NFKB1: variants seen among roughly 807,000 people sequenced by gnomAD.
NFKB1 encodes nuclear factor kappa B subunit 1.
A neutral mutation model predicts 105.1 loss-of-function variants in NFKB1; 9 were observed. The observed-to-expected ratio is 0.09, with a 90% confidence interval of 0.05 to 0.15. The LOEUF is 0.15. Ranked by LOEUF, NFKB1 falls within the 10% of genes least tolerant of loss-of-function variation. The pLI, the probability that NFKB1 is intolerant of heterozygous loss-of-function variation, is 1.00. For synonymous variants in NFKB1, 440 were observed against 442.2 expected, an observed-to-expected ratio of 1.00 and a Z score of 0.06; for missense variants, 830 against 1,203.7, an observed-to-expected ratio of 0.69 and a Z score of 4.59.
chr4:102,538,795 TAGTC>T (rs1741805741), intron 5 of NFKB1, among the ~76,000 whole-genome samples: 1 of 152,218 alleles, frequency 6.6e-6, no homozygotes, highest in Non-Finnish European at 1.5e-5. Context: ...AGTTATTATT[TAGTC>T]AGTAATTCAA....
intron 5 of NFKB1, among the ~76,000 whole-genome samples, chr4:102,562,961 C>T (rs1723562274): frequency 1.3e-5 from 2 of 152,200 alleles, no homozygotes; most frequent in African/African-American, 4.8e-5. Flanking sequence ...TCACCTCTTA[C>T]ATTCATGTTA....
At chr4:102,604,998 A>G (rs895487639) in intron 16 of NFKB1, among the ~76,000 whole-genome samples, 2 of 151,848 alleles carry the variant, frequency 1.3e-5, no homozygotes, top group Admixed American at 6.6e-5. Context: ...TCTCCGACTC[A>G]TAAGATATTT....
intron 9 of NFKB1, among the ~76,000 whole-genome samples, chr4:102,581,687 C>T (rs776098766): frequency 3.9e-5 from 6 of 152,154 alleles, no homozygotes; most frequent in Admixed American, 1.3e-4. Context: ...TCTGCCTACA[C>T]TAGTGTCAGC....
chr4:102,596,399 A>T (rs4648066), intron 14 of NFKB1, 67 bp downstream of exon 14: 3 of 1,244,908 alleles, frequency 2.4e-6, no homozygotes, highest in East Asian at 4.9e-5. Context: ...GTGCAGAAAG[A>T]TATCTGCTAA....
chr4:102,523,407 C>T (rs566042325), intron 1 of NFKB1, among the ~76,000 whole-genome samples: 12 of 152,268 alleles, frequency 7.9e-5, no homozygotes, highest in Non-Finnish European at 1.6e-4. Flanking sequence ...GCTCTGCATC[C>T]CCCTAGAATG....
At chr4:102,506,983 T>C (rs888354107) in intron 1 of NFKB1, among the ~76,000 whole-genome samples, 7 of 149,260 alleles carry the variant, frequency 4.7e-5, no homozygotes, top group African/African-American at 1.7e-4. Flanking sequence ...GTAACTAATA[T>C]GTATATTAAA....
At chr4:102,606,182 T>C (rs1441845572) in intron 16 of NFKB1, among the ~76,000 whole-genome samples, 2 of 152,368 alleles carry the variant, frequency 1.3e-5, no homozygotes, top group African/African-American at 4.8e-5. Flanking sequence ...AATCATTTTA[T>C]GTTGTAAACT....
chr4:102,583,700 C>T (rs1021365300), intron 10 of NFKB1, among the ~76,000 whole-genome samples: 1 of 151,726 alleles, frequency 6.6e-6, no homozygotes, highest in Non-Finnish European at 1.5e-5. Flanking sequence ...ATTAAATGAT[C>T]AGTTTAATCA....
At chr4:102,593,594 A>G in intron 12 of NFKB1, 26 bp downstream of exon 12, 1 of 1,593,982 alleles carries the variant, frequency 6.3e-7, no homozygotes, top group Non-Finnish European at 8.5e-7. Context: ...TTCTTCCTAA[A>G]ACTTTTTCAT....
At chr4:102,521,586 A>C (rs1353013294) in intron 1 of NFKB1, among the ~76,000 whole-genome samples, 1 of 152,240 alleles carries the variant, frequency 6.6e-6, no homozygotes, top group Non-Finnish European at 1.5e-5. Context: ...TAGAAAGAAT[A>C]CATTTTCTTA....
chr4:102,587,288 G>A (rs1024610133), intron 11 of NFKB1, among the ~76,000 whole-genome samples: 1 of 152,092 alleles, frequency 6.6e-6, no homozygotes, highest in Non-Finnish European at 1.5e-5. Context: ...AGTAGACACA[G>A]AAGAAAAATA....
At chr4:102,611,548 T>C (rs924323232) in intron 20 of NFKB1, among the ~76,000 whole-genome samples, 1 of 152,230 alleles carries the variant, frequency 6.6e-6, no homozygotes, top group Non-Finnish European at 1.5e-5. Context: ...TTCTGGACCC[T>C]CAGTTAAAAT....
intron 20 of NFKB1, 117 bp from the exon 21 acceptor site, chr4:102,611,927 C>G: frequency 1.4e-6 from 1 of 734,868 alleles, no homozygotes; most frequent in Non-Finnish European, 2.3e-6. Context: ...ATTCCTCCAT[C>G]ATTAGGGTAC....
chr4:102,582,046 T>C (rs1725355910), intron 9 of NFKB1, among the ~76,000 whole-genome samples: 1 of 152,202 alleles, frequency 6.6e-6, no homozygotes, highest in South Asian at 2.1e-4. Context: ...CTAAGTTACA[T>C]TGTCACATTT....
chr4:102,602,631 A>C (rs558287387), intron 16 of NFKB1, among the ~76,000 whole-genome samples: 1 of 152,240 alleles, frequency 6.6e-6, no homozygotes, highest in East Asian at 1.9e-4. Flanking sequence ...ACCTGTGACT[A>C]GGTAAAAATT....
intron 1 of NFKB1, among the ~76,000 whole-genome samples, chr4:102,512,295 A>C (rs559571775): frequency 2.6e-5 from 4 of 152,088 alleles, no homozygotes; most frequent in South Asian, 2.1e-4. Context: ...TAGTTCACCT[A>C]TTTCTCCCCA....
chr4:102,564,534 G>A (rs1002036250), intron 5 of NFKB1, among the ~76,000 whole-genome samples: 1 of 152,186 alleles, frequency 6.6e-6, no homozygotes, highest in African/African-American at 2.4e-5. Context: ...TCTTTCAAAT[G>A]GATCCAACAG....
chr4:102,508,328 G>T (rs1308488349), intron 1 of NFKB1, among the ~76,000 whole-genome samples: 1 of 152,200 alleles, frequency 6.6e-6, no homozygotes, highest in Non-Finnish European at 1.5e-5. Flanking sequence ...AAATGATGAT[G>T]ATGTGGAATG....
intron 11 of NFKB1, among the ~76,000 whole-genome samples, chr4:102,585,833 T>TTCTC (rs1241903851): frequency 1.3e-5 from 2 of 152,082 alleles, no homozygotes; most frequent in African/African-American, 2.4e-5. Flanking sequence ...AAGGAGAGGG[T>TTCTC]TCTCTAGGTT....
Sources: gnomAD v4.1 joint callset for allele counts (sites outside exome capture counted in the v4.1 genomes callset) on GRCh38, gnomAD v4.1.1 for gene constraint, MANE v1.5 for transcripts, NCBI Gene and HGNC (gene_info 2026-07-23, HGNC 2026-07-21) for gene names.